SYT13: variants seen among roughly 807,000 people sequenced by gnomAD.
SYT13 encodes synaptotagmin-13.
SYT13 carries 21 observed loss-of-function variants against 38.6 expected under a neutral mutation model. That is an observed-to-expected ratio of 0.54 (90% CI 0.39 to 0.78). The LOEUF is 0.78. Among genes scored for constraint, SYT13 ranks in the 30% least tolerant of loss-of-function variants. SYT13 has a pLI of 0.00. For synonymous variants in SYT13, 241 were observed against 237.6 expected, an observed-to-expected ratio of 1.01 and a Z score of -0.13; for missense variants, 495 against 548.7, an observed-to-expected ratio of 0.90 and a Z score of 0.98.
chr11:45,251,248 G>A (rs1854669958), intron 4 of SYT13, among the ~76,000 whole-genome samples: 1 of 151,724 alleles, frequency 6.6e-6, no homozygotes, highest in African/African-American at 2.4e-5. Context: ...AATTAGCTGG[G>A]CGTGGTGGCG....
intron 1 of SYT13, among the ~76,000 whole-genome samples, chr11:45,266,337 C>T (rs1854881099): frequency 6.6e-6 from 1 of 152,156 alleles, no homozygotes; most frequent in Admixed American, 6.5e-5. Context: ...GATCTTTCTC[C>T]AAATCTCCAA....
rs1238611123 is a variant in SYT13, at chr11:45,241,235, C to T, written c.*2817G>A. Reference sequence around the variant, plus strand: ...TTTATGCCATTTGCAGTGTCTTTTTCTGCCTACTCTGCCAGCCACTCTTAA... The same window carrying T: ...TTTATGCCATTTGCAGTGTCTTTTTTTGCCTACTCTGCCAGCCACTCTTAA... On this transcript the variant is annotated 3_prime_UTR_variant, in exon 6 of 6. Coordinates refer to ENST00000020926, the MANE Select transcript of SYT13 (RefSeq NM_020826.3). 1.3e-5 allele frequency: 2 copies of T among 152,188 alleles called. No individual in the cohort carries two copies. Among genetic ancestry groups the T allele is most frequent in the Admixed American group, 1.3e-4 (2 of 15,280 alleles). 9.4% of individuals were successfully genotyped at this position (152,188 alleles called of 1,614,324 possible). A position where few individuals can be genotyped will look rare whatever the true frequency, so the allele number is the denominator to read the frequency against.
In SYT13 at chr11:45,255,677, A is replaced by G. The variant is rs772574163; in HGVS notation, c.398T>C (p.Leu133Pro). 6.2e-7 allele frequency: 1 copy of G among 1,613,992 alleles called. No homozygotes were observed. Among genetic ancestry groups the G allele is most frequent in the Non-Finnish European group, 8.5e-7 (1 of 1,179,974 alleles). ...KRQVTEELFI[L>P]PQNGVVEDVC... ...CAGGAGACCCCTACCATTCTGAGGG[A>G]GGATGAACAGCTCCTCTGTGACCTG... Residue 133 changes from leucine (L) to proline (P), a missense_variant, in exon 2 of 6, where the codon CTC (leucine) becomes CCC (proline). Physicochemically the swap from Leu to Pro is moderately conservative, Grantham distance 98 (BLOSUM62 -3). Coordinates refer to ENST00000020926, the MANE Select transcript of SYT13 (RefSeq NM_020826.3).
chr11:45,255,979 G>A, intron 1 of SYT13, 88 bp from the exon 2 acceptor site: 1 of 1,344,424 alleles, frequency 7.4e-7, no homozygotes, highest in South Asian at 1.2e-5. Context: ...GAACTGACCT[G>A]TTGTAGGATG....
intron 1 of SYT13, among the ~76,000 whole-genome samples, chr11:45,285,458 C>T (rs771239632): frequency 6.6e-6 from 1 of 152,162 alleles, no homozygotes; most frequent in Non-Finnish European, 1.5e-5. Context: ...ATTCAGCTCT[C>T]TAGACCCCGC....
In SYT13 at chr11:45,286,237, C is replaced by A. The variant is rs1252203984; in HGVS notation, c.-30G>T. 6.6e-7 allele frequency: 1 copy of A among 1,508,934 alleles called. No homozygotes were observed. Among genetic ancestry groups the A allele is most frequent in the South Asian group, 1.3e-5 (1 of 79,428 alleles). 93.5% of individuals were successfully genotyped at this position (1,508,934 alleles called of 1,614,324 possible). On this transcript the variant is annotated 5_prime_UTR_variant, in exon 1 of 6. Transcript: ENST00000020926. ...CCCGCTCCCGGCGAGGGGCTGGGTC[C>A]CGCAGCCGCTCACCTTCCCCGGGCC...
chr11:45,270,230 C>G (rs1854933763), intron 1 of SYT13, among the ~76,000 whole-genome samples: 1 of 152,194 alleles, frequency 6.6e-6, no homozygotes, highest in South Asian at 2.1e-4. Context: ...CATCTCAGCT[C>G]TGCATAATTG....
chr11:45,269,704 T>C (rs1344579665), intron 1 of SYT13, among the ~76,000 whole-genome samples: 2 of 152,210 alleles, frequency 1.3e-5, no homozygotes, highest in South Asian at 2.1e-4. Flanking sequence ...TATGAAAACA[T>C]TGGGCTTTGA....
rs567173980 is a variant in SYT13 at position 45,246,528 on chromosome 11, A to T, written c.847-16T>A. ...CAGATGGCTCCTGAAACAGAAAAGG[A>T]GATGCAGGAGGGGAGTCTCACCTGG... On this transcript the variant is annotated splice_polypyrimidine_tract_variant and intron_variant, in intron 4 of 5. Coordinates refer to ENST00000020926, the MANE Select transcript of SYT13 (RefSeq NM_020826.3). 1.2e-5 allele frequency: 20 copies of T among 1,613,136 alleles called. No individual in the cohort carries two copies. The highest frequency in any genetic ancestry group is 1.7e-5 in the Non-Finnish European group (20 of 1,179,666).
chr11:45,263,353 C>A (rs1854843057), intron 1 of SYT13, among the ~76,000 whole-genome samples: 1 of 152,292 alleles, frequency 6.6e-6, no homozygotes, highest in East Asian at 1.9e-4. Context: ...ACCAAAGATG[C>A]TAGGTGACCC....
chr11:45,262,016 A>G (rs923104138), intron 1 of SYT13, among the ~76,000 whole-genome samples: 1 of 152,230 alleles, frequency 6.6e-6, no homozygotes, highest in Admixed American at 6.5e-5. Context: ...AGATATTTAC[A>G]CCCATGTTCA....
chr11:45,283,708 C>A (rs1428544309), intron 1 of SYT13, among the ~76,000 whole-genome samples: 3 of 152,192 alleles, frequency 2.0e-5, no homozygotes, highest in Non-Finnish European at 4.4e-5. Context: ...CATGTATCAA[C>A]AAATATTTAT....
At chr11:45,244,585 C>T (rs998022032) in intron 5 of SYT13, among the ~76,000 whole-genome samples, 1 of 152,184 alleles carries the variant, frequency 6.6e-6, no homozygotes, top group Non-Finnish European at 1.5e-5. Context: ...GCTATACCAG[C>T]AGGAAAGCAT....
chr11:45,249,144 T>C (rs1004469881), intron 4 of SYT13, among the ~76,000 whole-genome samples: 8 of 152,096 alleles, frequency 5.3e-5, no homozygotes, highest in Non-Finnish European at 1.0e-4. Flanking sequence ...AACAGACATA[T>C]GAAAAAATGC....
At position 45,252,989 on chromosome 11, in the gene SYT13, C is replaced by T. The variant is rs1451039254; in HGVS notation, c.545-267G>A. 1.1e-4 allele frequency among the ~76,000 whole-genome samples: 17 copies of T among 152,298 alleles called. No homozygotes were observed. Among genetic ancestry groups the T allele is most frequent in the Admixed American group, 8.5e-4 (13 of 15,296 alleles). ...GCATTTCCTGGAGCCCTCTGAACTC[C>T]GGATTCTGAAATTTTGCCAAGGTGC... On this transcript the variant is annotated intron_variant, in intron 3 of 5. Transcript: ENST00000020926. This position sits in a 1 kb window ranked among gnomAD's most constrained non-coding sequence, Gnocchi z 4.3.
intron 1 of SYT13, among the ~76,000 whole-genome samples, chr11:45,258,899 A>G (rs1371782060): frequency 6.6e-6 from 1 of 152,136 alleles, no homozygotes; most frequent in Admixed American, 6.6e-5. Context: ...TCCACCTTCA[A>G]TATCTCATAT....
chr11:45,268,306 G>C (rs1854908816), intron 1 of SYT13, among the ~76,000 whole-genome samples: 1 of 150,660 alleles, frequency 6.6e-6, no homozygotes, highest in Non-Finnish European at 1.5e-5. Context: ...TAGACAGCAA[G>C]AAGCCAGGGG....
chr11:45,255,037 G>A (rs746486448), intron 2 of SYT13, among the ~76,000 whole-genome samples: 3 of 152,030 alleles, frequency 2.0e-5, no homozygotes, highest in Admixed American at 6.6e-5. Context: ...GATCACTGGA[G>A]CCTGGGAGAT....
Position 45,252,502 on chromosome 11 carries a change from G to T in SYT13, c.765C>A (p.Ala255=). 6.2e-7 allele frequency: 1 copy of T among 1,613,852 alleles called. No homozygotes were observed. The change falls in exon 4 of 6, where the codon GCC becomes GCA. Residue 255 remains alanine, a synonymous_variant. Coordinates refer to ENST00000020926, the MANE Select transcript of SYT13 (RefSeq NM_020826.3). This position sits in a 1 kb window ranked among gnomAD's most constrained non-coding sequence, Gnocchi z 4.3. ...TCDRFSRHSV[A]GELRLGLDGT... ...CGTCCAGGCCCAGGCGGAGCTCCCC[G>T]GCCACGCTGTGACGGGAGAAGCGGT... is the stretch of plus-strand genomic sequence containing the variant.
Sources: gnomAD v4.1 joint callset for allele counts (sites outside exome capture counted in the v4.1 genomes callset) on GRCh38, gnomAD v4.1.1 for gene constraint, Gnocchi (gnomAD v3.1) non-coding constraint, MANE v1.5 for transcripts, NCBI Gene and HGNC (gene_info 2026-07-23, HGNC 2026-07-21) for gene names.